Variants in NEGR1 observed in about 807,000 individuals in gnomAD.
The protein encoded by NEGR1 is neuronal growth regulator 1, also known as IgLON family member 4.
A neutral mutation model predicts 40.9 loss-of-function variants in NEGR1; 10 were observed. The observed-to-expected ratio is 0.24, with a 90% CI of 0.15 to 0.42. The LOEUF is 0.42. NEGR1 is among the 10% of genes least tolerant of loss of function. NEGR1 has a pLI of 1.00. For synonymous variants in NEGR1, 185 were observed against 166.8 expected (o/e 1.11, Z -0.84); for missense variants, 352 against 438.9 (o/e 0.80, Z 1.77).
chr1:71,659,892 T>A (rs1652000875), intron 4 of NEGR1, among the ~76,000 whole-genome samples: 1 of 152,104 alleles, frequency 6.6e-6, no homozygotes, highest in African/African-American at 2.4e-5. Context: ...GTAAATTAGT[T>A]CAACCATTGT....
Position 72,172,276 on chromosome 1 carries a change from A to T in NEGR1, c.176+110043T>A, listed in dbSNP as rs1651991162. On this transcript the variant is annotated intron_variant, in intron 1 of 6. Coordinates refer to ENST00000357731, the MANE Select transcript of NEGR1 (RefSeq NM_173808.3). ...AGTTCCTTTTCTACATTATTTCAAT[A>T]ATTTTGTCATTAGAACCAAACACCA... 4.6e-5 allele frequency among the ~76,000 whole-genome samples: 7 copies of T among 152,166 alleles called. No homozygotes were observed. In the South Asian group the frequency reaches 1.4e-3, roughly 32 times the overall value.
intron 1 of NEGR1, among the ~76,000 whole-genome samples, chr1:71,972,029 T>G (rs1646260650): frequency 6.6e-6 from 1 of 152,136 alleles, no homozygotes; most frequent in Admixed American, 6.5e-5. Flanking sequence ...TGAAGTACAA[T>G]TTATCATGGA....
At chr1:71,700,454 A>G (rs1488744992) in intron 3 of NEGR1, among the ~76,000 whole-genome samples, 1 of 152,040 alleles carries the variant, frequency 6.6e-6, no homozygotes, top group Non-Finnish European at 1.5e-5. Flanking sequence ...ATACAGCACT[A>G]TATAAATGTT....
rs1646225669 is a variant in NEGR1, at chr1:71,398,395, C to T, written c.*9051G>A. 2 of 156,576 alleles carry T rather than the reference C, an allele frequency of 1.3e-5. No homozygotes were observed. Among genetic ancestry groups the T allele is most frequent in the South Asian group, 2.0e-4 (1 of 4,900 alleles). The allele number at this position is 156,576 out of a possible 1,614,324, so 9.7% of individuals were successfully genotyped here. A position where few individuals can be genotyped will look rare whatever the true frequency, so the allele number is the denominator to read the frequency against. ...GCTGCCTAAGGCCATGGGAGCCCAC[C>T]TCTTGCATCAGCATGACCTGGATGT... is the stretch of plus-strand genomic sequence containing the variant. On this transcript the variant is annotated 3_prime_UTR_variant, in exon 7 of 7. Transcript: ENST00000357731.
intron 6 of NEGR1, among the ~76,000 whole-genome samples, chr1:71,578,018 T>C (rs1038114413): frequency 2.0e-5 from 3 of 152,120 alleles, no homozygotes; most frequent in Admixed American, 2.0e-4. Flanking sequence ...TATTCTCTAA[T>C]TGAGCCTAGA....
intron 2 of NEGR1, among the ~76,000 whole-genome samples, chr1:71,824,578 G>A (rs1438259166): frequency 6.6e-6 from 1 of 151,872 alleles, no homozygotes; most frequent in African/African-American, 2.4e-5. Context: ...AGTGTTCAAA[G>A]CAATGAATTT....
At chr1:72,257,636 G>T (rs1655318588) in intron 1 of NEGR1, among the ~76,000 whole-genome samples, 1 of 152,110 alleles carries the variant, frequency 6.6e-6, no homozygotes, top group Non-Finnish European at 1.5e-5. Context: ...AAAGGAGAAG[G>T]TAACTTAATG....
intron 6 of NEGR1, among the ~76,000 whole-genome samples, chr1:71,566,164 G>A (rs553605382): frequency 1.3e-5 from 2 of 152,140 alleles, no homozygotes; most frequent in East Asian, 3.9e-4. Flanking sequence ...ATGTATTTCT[G>A]TTGTTTTGAA....
chr1:72,257,755 G>C (rs1376964050), intron 1 of NEGR1, among the ~76,000 whole-genome samples: 1 of 151,980 alleles, frequency 6.6e-6, no homozygotes, highest in Non-Finnish European at 1.5e-5. Context: ...CATAATCTGA[G>C]GCTACATCAA....
intron 5 of NEGR1, among the ~76,000 whole-genome samples, chr1:71,594,330 A>T (rs1043514549): frequency 1.3e-5 from 2 of 152,136 alleles, no homozygotes; most frequent in East Asian, 1.9e-4. Context: ...GTATTTTTTT[A>T]AATTATGAAA....
At chr1:71,862,408 C>T (rs898137466) in intron 2 of NEGR1, among the ~76,000 whole-genome samples, 25 of 152,030 alleles carry the variant, frequency 1.6e-4, no homozygotes, top group Non-Finnish European at 3.7e-4. Flanking sequence ...AAGATAACTA[C>T]CTCACTCACT....
intron 4 of NEGR1, among the ~76,000 whole-genome samples, chr1:71,651,894 C>A (rs1049504514): frequency 7.1e-6 from 1 of 141,142 alleles, no homozygotes. Flanking sequence ...ACTTTCCATA[C>A]TGAAATTTAT....
intron 2 of NEGR1, among the ~76,000 whole-genome samples, chr1:71,876,389 C>G (rs1048248329): frequency 6.6e-6 from 1 of 152,002 alleles, no homozygotes; most frequent in African/African-American, 2.4e-5. Flanking sequence ...GTTGCACGCT[C>G]TGGTAGTCCC....
chr1:71,581,463 A>C (rs971820975), intron 6 of NEGR1, among the ~76,000 whole-genome samples: 3 of 152,156 alleles, frequency 2.0e-5, no homozygotes, highest in Non-Finnish European at 4.4e-5. Context: ...CATCTAACTC[A>C]TTACCACAAA....
intron 3 of NEGR1, among the ~76,000 whole-genome samples, chr1:71,770,548 T>C (rs1656281857): frequency 6.6e-6 from 1 of 152,142 alleles, no homozygotes; most frequent in South Asian, 2.1e-4. Flanking sequence ...AATGAAATGG[T>C]TGATTCCAGA....
intron 4 of NEGR1, among the ~76,000 whole-genome samples, chr1:71,630,629 T>TA (rs1650942877): frequency 6.6e-6 from 1 of 151,764 alleles, no homozygotes; most frequent in South Asian, 2.1e-4. Context: ...AAATAATTTT[T>TA]TATGTGGGTT....
intron 2 of NEGR1, among the ~76,000 whole-genome samples, chr1:71,876,159 T>C (rs888402457): frequency 2.0e-5 from 3 of 152,120 alleles, no homozygotes; most frequent in Non-Finnish European, 4.4e-5. Flanking sequence ...AAAAAACACA[T>C]AGTTCTTGTA....
chr1:72,060,254 T>G (rs1055604942), intron 1 of NEGR1, among the ~76,000 whole-genome samples: 4 of 151,654 alleles, frequency 2.6e-5, no homozygotes, highest in Admixed American at 6.6e-5. Context: ...TGAGATACAC[T>G]GAGATCTAGA....
At chr1:71,523,888 C>T (rs1278280468) in intron 6 of NEGR1, among the ~76,000 whole-genome samples, 5 of 151,790 alleles carry the variant, frequency 3.3e-5, no homozygotes, top group South Asian at 2.1e-4. Flanking sequence ...CTCAGTATAG[C>T]GAGAAGCTCT....
Sources: gnomAD v4.1 joint callset for allele counts (sites outside exome capture counted in the v4.1 genomes callset) on GRCh38, gnomAD v4.1.1 for gene constraint, MANE v1.5 for transcripts, NCBI Gene and HGNC (gene_info 2026-07-23, HGNC 2026-07-21) for gene names.